The following SV2C variants were observed in gnomAD, a reference collection of about 807,000 sequenced individuals.
The protein encoded by SV2C is synaptic vesicle glycoprotein 2C.
Under a neutral mutation model 79.7 loss-of-function variants are expected in SV2C, and 49 were observed. That is an observed-to-expected ratio of 0.61 (90% CI 0.49 to 0.78). The LOEUF (loss-of-function observed/expected upper bound fraction) is 0.78. SV2C is among the 30% of genes least tolerant of loss of function. The pLI is 0.00. For missense variants in SV2C, 833 were observed against 912.9 expected, an observed-to-expected ratio of 0.91 and a Z score of 1.13; for synonymous variants, 334 against 333.2, an observed-to-expected ratio of 1.00 and a Z score of -0.03.
At chr5:76,272,228 A>G (rs2937715) in intron 4 of SV2C, among the ~76,000 whole-genome samples, 63,218 of 151,986 alleles carry the variant, frequency 0.42, 13,554 homozygotes, top group East Asian at 0.6. Context: ...TGCTGGAAAT[A>G]TTATAGCCCG....
chr5:75,991,028 G>A, the SV2C span, among the ~76,000 whole-genome samples: 1 of 151,692 alleles, frequency 6.6e-6, no homozygotes, highest in African/African-American at 2.4e-5. Context: ...ATAAATGCTG[G>A]GCCAAAGTAT....
intron 3 of SV2C, among the ~76,000 whole-genome samples, chr5:76,195,441 T>G (rs1028477329): frequency 6.6e-6 from 1 of 152,242 alleles, no homozygotes; most frequent in Non-Finnish European, 1.5e-5. Context: ...CTACCTGTTA[T>G]GAACTAATTA....
the SV2C span, among the ~76,000 whole-genome samples, chr5:75,853,512 C>T: frequency 0.015 from 2,089 of 142,738 alleles, 54 homozygotes; most frequent in African/African-American, 0.052. Flanking sequence ...GCACAGATCG[C>T]GCCACTGCAC....
the SV2C span, among the ~76,000 whole-genome samples, chr5:76,002,402 G>A: frequency 6.6e-6 from 1 of 152,112 alleles, no homozygotes; most frequent in Non-Finnish European, 1.5e-5. Context: ...GACAGGTGGT[G>A]GGTCACTGCA....
chr5:76,008,365 G>A, the SV2C span, among the ~76,000 whole-genome samples: 2 of 152,084 alleles, frequency 1.3e-5, no homozygotes, highest in African/African-American at 2.4e-5. Context: ...GTTAAAAGCC[G>A]CTGGAGATGA....
chr5:76,284,802 A>G (rs1193045066), intron 4 of SV2C, among the ~76,000 whole-genome samples: 1 of 152,254 alleles, frequency 6.6e-6, no homozygotes, highest in Non-Finnish European at 1.5e-5. Flanking sequence ...ATTCCCTAGC[A>G]CACAGCAGAG....
intron 1 of SV2C, among the ~76,000 whole-genome samples, chr5:76,118,190 G>A (rs558528441): frequency 1.1e-4 from 16 of 152,244 alleles, no homozygotes; most frequent in Middle Eastern, 6.8e-3. Flanking sequence ...AGCTTCTGGG[G>A]ACTCCAGGTG....
the SV2C span, among the ~76,000 whole-genome samples, chr5:76,057,106 T>G: frequency 6.6e-6 from 1 of 152,172 alleles, no homozygotes; most frequent in Non-Finnish European, 1.5e-5. Context: ...TTTGAGATCT[T>G]TTCCGCTTTC....
In SV2C at chr5:76,332,166, G is replaced by A. The variant is rs540219861; in HGVS notation, c.*6619G>A. ...TTGTCCACTCTCTGCCTACTTTATTGCATTCATGCTCCCCTTAGATCCAAG... is the reference window on the plus strand; with the variant it reads ...TTGTCCACTCTCTGCCTACTTTATTACATTCATGCTCCCCTTAGATCCAAG... On this transcript the variant is annotated 3_prime_UTR_variant, in exon 13 of 13. Transcript: ENST00000502798. 1 of 152,168 alleles carries A rather than the reference G, an allele frequency of 6.6e-6. No individual in the cohort carries two copies. The highest frequency in any genetic ancestry group is 6.5e-5 in the Admixed American group (1 of 15,270). 9.4% of individuals were successfully genotyped at this position (152,168 alleles called of 1,614,324 possible). A position where few individuals can be genotyped will look rare whatever the true frequency, so the allele number is the denominator to read the frequency against.
chr5:75,916,438 TCTCCTCTCCTC>T, the SV2C span, among the ~76,000 whole-genome samples: 7 of 136,460 alleles, frequency 5.1e-5, no homozygotes, highest in South Asian at 1.9e-3. Context: ...TTCCTCCCCT[TCTCCTCTCCTC>T]CTCCTCCTTC....
chr5:76,014,505 A>G, the SV2C span, among the ~76,000 whole-genome samples: 14 of 152,340 alleles, frequency 9.2e-5, no homozygotes, highest in South Asian at 2.1e-3. Context: ...CTGTGAAATT[A>G]TATCAAAGCA....
chr5:75,882,789 T>TA, the SV2C span, among the ~76,000 whole-genome samples: 3,955 of 142,264 alleles, frequency 0.028, 103 homozygotes, highest in African/African-American at 0.064. Context: ...CCTAAAACCA[T>TA]AAAAAAAAAA....
At chr5:75,872,288 T>C in the SV2C span, among the ~76,000 whole-genome samples, 97 of 151,812 alleles carry the variant, frequency 6.4e-4, no homozygotes, top group African/African-American at 2.3e-3. Flanking sequence ...TTTACCAGTG[T>C]TTAGTACTGA....
intron 4 of SV2C, among the ~76,000 whole-genome samples, chr5:76,248,104 T>C (rs34083508): frequency 0.27 from 41,453 of 152,122 alleles, 7,027 homozygotes; most frequent in Non-Finnish European, 0.37. Context: ...GAAATATTCT[T>C]AATGGAAGAA....
In SV2C at chr5:76,209,730, T is replaced by C. The variant is rs774475384; in HGVS notation, c.762-6T>C. The C allele has an allele frequency of 2.3e-5, 37 of 1,613,426 alleles. No individual in the cohort carries two copies. Among genetic ancestry groups the C allele is most frequent in the Non-Finnish European group, 3.1e-5 (36 of 1,179,658 alleles). On this transcript the variant is annotated splice_polypyrimidine_tract_variant and splice_region_variant and intron_variant, in intron 3 of 12. Transcript: ENST00000502798. Reference sequence around the variant, plus strand: ...GATTTCATGTATTCTCTGTACCTCTTGGCAGGATTGGAGGAGCCATACCCA... The same window carrying C: ...GATTTCATGTATTCTCTGTACCTCTCGGCAGGATTGGAGGAGCCATACCCA...
chr5:76,104,603 T>A (rs532520267), intron 1 of SV2C, among the ~76,000 whole-genome samples: 1 of 152,316 alleles, frequency 6.6e-6, no homozygotes, highest in Admixed American at 6.5e-5. Flanking sequence ...CAGCAACCTC[T>A]GACATAGTTA....
intron 2 of SV2C, among the ~76,000 whole-genome samples, chr5:76,192,121 A>G (rs1744123644): frequency 6.6e-6 from 1 of 152,214 alleles, no homozygotes; most frequent in Admixed American, 6.5e-5. Context: ...TTAAAAAAAT[A>G]CAAACTTTAA....
intron 12 of SV2C, among the ~76,000 whole-genome samples, chr5:76,316,433 A>G (rs1354125469): frequency 6.6e-6 from 1 of 152,210 alleles, no homozygotes; most frequent in Non-Finnish European, 1.5e-5. Context: ...CCTAGGCATC[A>G]GTATTGAACA....
At chr5:75,976,084 A>C in the SV2C span, among the ~76,000 whole-genome samples, 2 of 152,176 alleles carry the variant, frequency 1.3e-5, no homozygotes, top group Admixed American at 6.6e-5. Flanking sequence ...ATAGTTAATT[A>C]TAGTTTGAAT....
Sources: gnomAD v4.1 joint callset for allele counts (sites outside exome capture counted in the v4.1 genomes callset) on GRCh38, gnomAD v4.1.1 for gene constraint, MANE v1.5 for transcripts, NCBI Gene and HGNC (gene_info 2026-07-23, HGNC 2026-07-21) for gene names.